The following SDR42E1 variants were observed in gnomAD, a reference collection of about 807,000 sequenced individuals.
SDR42E1 encodes the protein short-chain dehydrogenase/reductase family 42E member 1.
SDR42E1 carries 5 observed loss-of-function variants against 2.6 expected under a neutral mutation model. The observed-to-expected ratio is 1.94, with a 90% CI of 1.01 to 4.08. The LOEUF is 4.08. Among genes scored for constraint, SDR42E1 ranks in the 30% most tolerant of loss-of-function variants. The pLI, the probability that SDR42E1 is intolerant of heterozygous loss-of-function variation, is 0.00. For synonymous variants in SDR42E1, 231 were observed against 188.3 expected (o/e 1.23, Z -1.86); for missense variants, 596 against 478.6 (o/e 1.25, Z -2.29).
chr16:82,007,537 G>C (rs1912980783), intron 1 of SDR42E1: 1 of 152,204 alleles, frequency 6.6e-6, no homozygotes, highest in Admixed American at 6.5e-5. Flanking sequence ...TGGTAGAGCA[G>C]GGATCTGTAC....
In SDR42E1 at chr16:81,998,687, G is replaced by A. The variant is rs560209787; in HGVS notation, c.*424C>T. 1 of 174,506 alleles carries A rather than the reference G, an allele frequency of 5.7e-6. No individual in the cohort carries two copies. The highest frequency in any genetic ancestry group is 2.4e-5 in the African/African-American group (1 of 41,718). The allele number at this position is 174,506 out of a possible 1,614,324, so 10.8% of individuals were successfully genotyped here. A position where few individuals can be genotyped will look rare whatever the true frequency, so the allele number is the denominator to read the frequency against. On this transcript the variant is annotated 3_prime_UTR_variant, in exon 3 of 3. Coordinates refer to ENST00000328945, the MANE Select transcript of SDR42E1 (RefSeq NM_145168.3). ...TCTGTTAGGGATCTGGGCCAATTTG[G>A]TGTTTTTCACACGCATTCAAGCCTG...
intron 2 of SDR42E1, 135 bp from the exon 3 acceptor site, chr16:82,000,359 TGTTCCTTG>T (rs772562020): frequency 9.5e-7 from 1 of 1,048,550 alleles, no homozygotes; most frequent in South Asian, 1.3e-5. Flanking sequence ...TCACTATGCA[TGTTCCTTG>T]GTGCAAGCCT....
At position 81,998,950 on chromosome 16, in the gene SDR42E1, G is replaced by A. The variant is rs1468537497; in HGVS notation, c.*161C>T. 1 of 723,992 alleles carries A rather than the reference G, an allele frequency of 1.4e-6. No homozygotes were observed. The highest frequency in any genetic ancestry group is 2.2e-6 in the Non-Finnish European group (1 of 452,298). 44.8% of individuals were successfully genotyped at this position (723,992 alleles called of 1,614,324 possible). ...CTTTTTCATTCCCATCTGGATTAGT[G>A]CAAGGAAATAAGACATAAAGATTCA... On this transcript the variant is annotated 3_prime_UTR_variant, in exon 3 of 3. Transcript: ENST00000328945.
chr16:81,991,407 A>C lies in SDR42E1; in HGVS notation c.*7704T>G, dbSNP rs1912425366. 6.6e-6 allele frequency: 1 copy of C among 152,148 alleles called. No homozygotes were observed. Among genetic ancestry groups the C allele is most frequent in the Non-Finnish European group, 1.5e-5 (1 of 68,022 alleles). The allele number at this position is 152,148 out of a possible 1,614,324, so 9.4% of individuals were successfully genotyped here. On this transcript the variant is annotated 3_prime_UTR_variant, in exon 3 of 3. Transcript: ENST00000328945. ...TGAATAATGTCATGCTAACGTGATA[A>C]AACCACCTCCAACAAGGTAAGAGTT...
At chr16:82,001,217 A>C (rs1912747505) in intron 1 of SDR42E1, among the ~76,000 whole-genome samples, 1 of 152,154 alleles carries the variant, frequency 6.6e-6, no homozygotes, top group Non-Finnish European at 1.5e-5. Flanking sequence ...AAATGATTAG[A>C]GCCTTTTTGA....
chr16:82,006,530 C>T (rs903040998), intron 1 of SDR42E1, among the ~76,000 whole-genome samples: 1 of 152,194 alleles, frequency 6.6e-6, no homozygotes, highest in Admixed American at 6.5e-5. Context: ...CAGTGGCTCA[C>T]GCCTGTAATT....
chr16:82,009,305 T>G (rs150705577), intron 1 of SDR42E1, among the ~76,000 whole-genome samples: 5,053 of 152,216 alleles, frequency 0.033, 264 homozygotes, highest in African/African-American at 0.11. Flanking sequence ...GACCCCAGAA[T>G]GGTAGATCCA....
rs61012797 is a variant in SDR42E1 at position 81,991,176 on chromosome 16, C to T, written c.*7935G>A. 0.014 allele frequency: 2,086 copies of T among 152,200 alleles called. 44 individuals carry two copies. Among genetic ancestry groups the T allele is most frequent in the African/African-American group, 0.047 (1,951 of 41,516 alleles). The allele number at this position is 152,200 out of a possible 1,614,324, so 9.4% of individuals were successfully genotyped here. The stretch of plus-strand genomic sequence containing the variant: ...TAAGTATGGCTCTAACATCCATGCT[C>T]CTCACAAAATACATGGAATTCCAGT... On this transcript the variant is annotated 3_prime_UTR_variant, in exon 3 of 3. Transcript: ENST00000328945.
chr16:81,997,510 G>T lies in SDR42E1; in HGVS notation c.*1601C>A, dbSNP rs1299221667. 1 of 152,258 alleles carries T rather than the reference G, an allele frequency of 6.6e-6. No individual in the cohort carries two copies. 9.4% of individuals were successfully genotyped at this position (152,258 alleles called of 1,614,324 possible). On this transcript the variant is annotated 3_prime_UTR_variant, in exon 3 of 3. Coordinates refer to ENST00000328945, the MANE Select transcript of SDR42E1 (RefSeq NM_145168.3). ...GCTGTCTTGGATGACCTGCTCTGGG[G>T]ATGAGGATATTCAAGCAGTTCTAGA...
At position 82,000,219 on chromosome 16, in the gene SDR42E1, C is replaced by T. The variant is rs1912710302; in HGVS notation, c.74G>A (p.Gly25Asp). 2 of 1,605,690 alleles carry T rather than the reference C, an allele frequency of 1.2e-6. No homozygotes were observed. The highest frequency in any genetic ancestry group is 8.5e-7 in the Non-Finnish European group (1 of 1,177,488). The change falls in exon 3 of 3, where the codon GGC (glycine) becomes GAC (aspartate). Residue 25 changes from glycine to aspartate, a missense_variant. Gly to Asp is a moderately conservative substitution (Grantham distance 94, BLOSUM62 -1). Transcript: ENST00000328945. ...GGSGYFGFRL[G>D]CALNQNGVHV... ...GACTCCATTTTGGTTCAGGGCACAG[C>T]CCAGGCTGAAATAAGAAACAGTAAA...
Position 81,997,203 on chromosome 16 carries a change from C to T in SDR42E1, c.*1908G>A, listed in dbSNP as rs1208285801. 6.6e-6 allele frequency: 1 copy of T among 152,136 alleles called. No homozygotes were observed. The highest frequency in any genetic ancestry group is 1.5e-5 in the Non-Finnish European group (1 of 68,042). The allele number at this position is 152,136 out of a possible 1,614,324, so 9.4% of individuals were successfully genotyped here. A position where few individuals can be genotyped will look rare whatever the true frequency, so the allele number is the denominator to read the frequency against. ...ATATAGTGCAAAATGTTAACACAGC[C>T]GTTGGGCCCCTAAAATCCTTCTGGC... On this transcript the variant is annotated 3_prime_UTR_variant, in exon 3 of 3. Coordinates refer to ENST00000328945, the MANE Select transcript of SDR42E1 (RefSeq NM_145168.3).
chr16:82,007,956 G>A (rs951525395), intron 1 of SDR42E1: 4 of 152,214 alleles, frequency 2.6e-5, no homozygotes, highest in African/African-American at 2.4e-5. Flanking sequence ...CTCCACCCAA[G>A]CCTCTTGTTG....
rs1452744532 is a variant in SDR42E1, at chr16:81,990,032, C to T, written c.*9079G>A. ...AAACAAACAAAAAAAACATGGTAGGCTGGGCACGGTGGCTCATTCCTGTAA... is the reference window on the plus strand; with the variant it reads ...AAACAAACAAAAAAAACATGGTAGGTTGGGCACGGTGGCTCATTCCTGTAA... On this transcript the variant is annotated 3_prime_UTR_variant, in exon 3 of 3. Coordinates refer to ENST00000328945, the MANE Select transcript of SDR42E1 (RefSeq NM_145168.3). The T allele has an allele frequency of 1.3e-5, 2 of 152,430 alleles. No individual in the cohort carries two copies. Among genetic ancestry groups the T allele is most frequent in the Non-Finnish European group, 2.9e-5 (2 of 68,316 alleles). 9.4% of individuals were successfully genotyped at this position (152,430 alleles called of 1,614,324 possible).
At chr16:82,000,341 T>C (rs1270367433) in intron 2 of SDR42E1, 117 bp from the exon 3 acceptor site, 1 of 1,291,912 alleles carries the variant, frequency 7.7e-7, no homozygotes, top group Admixed American at 1.7e-5. Context: ...TGGCTCATCC[T>C]GAGCCCCTCA....
rs1912450168 is a variant in SDR42E1, at chr16:81,992,498, A to G, written c.*6613T>C. The G allele has an allele frequency of 1.3e-5, 2 of 152,168 alleles. No individual in the cohort carries two copies. The highest frequency in any genetic ancestry group is 2.9e-5 in the Non-Finnish European group (2 of 68,034). 9.4% of individuals were successfully genotyped at this position (152,168 alleles called of 1,614,324 possible). ...GACGACTCATTCTTATAACATATAT[A>G]CATATGTTAAAATATATATATGGGT... On this transcript the variant is annotated 3_prime_UTR_variant, in exon 3 of 3. Coordinates refer to ENST00000328945, the MANE Select transcript of SDR42E1 (RefSeq NM_145168.3).
intron 1 of SDR42E1, among the ~76,000 whole-genome samples, chr16:82,003,331 T>C (rs1046304803): frequency 4.6e-5 from 7 of 152,230 alleles, no homozygotes; most frequent in Non-Finnish European, 7.3e-5. Context: ...CCCATTTGGA[T>C]TTAGAGTAGC....
chr16:81,998,941 T>G lies in SDR42E1; in HGVS notation c.*170A>C. On this transcript the variant is annotated 3_prime_UTR_variant, in exon 3 of 3. Coordinates refer to ENST00000328945, the MANE Select transcript of SDR42E1 (RefSeq NM_145168.3). ...CTGCTTCTGCTTTTTCATTCCCATC[T>G]GGATTAGTGCAAGGAAATAAGACAT... The G allele has an allele frequency of 1.5e-6, 1 of 675,748 alleles. No homozygotes were observed. The highest frequency in any genetic ancestry group is 2.1e-5 in the South Asian group (1 of 47,782). 41.9% of individuals were successfully genotyped at this position (675,748 alleles called of 1,614,324 possible).
In SDR42E1 at chr16:81,994,378, G is replaced by C. The variant is rs541603304; in HGVS notation, c.*4733C>G. 6.6e-6 allele frequency: 1 copy of C among 152,196 alleles called. No individual in the cohort carries two copies. Among genetic ancestry groups the C allele is most frequent in the Non-Finnish European group, 1.5e-5 (1 of 68,056 alleles). 9.4% of individuals were successfully genotyped at this position (152,196 alleles called of 1,614,324 possible). A position where few individuals can be genotyped will look rare whatever the true frequency, so the allele number is the denominator to read the frequency against. ...CCAGAGAAGCAATCCTAGCTGAAAG[G>C]GTTTCTCTAAACCTGCTCTGGGAGA... On this transcript the variant is annotated 3_prime_UTR_variant, in exon 3 of 3. Coordinates refer to ENST00000328945, the MANE Select transcript of SDR42E1 (RefSeq NM_145168.3).
rs1912588919 is a variant in SDR42E1, at chr16:81,998,037, T to TA, written c.*1073_*1074insT. The TA allele has an allele frequency of 2.0e-5, 3 of 152,374 alleles. No individual in the cohort carries two copies. The South Asian group carries it at 6.2e-4, about 32-fold the overall frequency. The allele number at this position is 152,374 out of a possible 1,614,324, so 9.4% of individuals were successfully genotyped here. A position where few individuals can be genotyped will look rare whatever the true frequency, so the allele number is the denominator to read the frequency against. The stretch of plus-strand genomic sequence containing the variant: ...GGACAGACATGGACTCTGTCTTCTT[T>TA]CCACTTGGGTTCCTATGCAACAGTG... On this transcript the variant is annotated 3_prime_UTR_variant, in exon 3 of 3. Coordinates refer to ENST00000328945, the MANE Select transcript of SDR42E1 (RefSeq NM_145168.3).
Sources: allele counts gnomAD v4.1 joint callset (sites outside exome capture counted in the v4.1 genomes callset), GRCh38; gene constraint gnomAD v4.1.1; transcripts MANE v1.5; gene names NCBI Gene and HGNC (gene_info 2026-07-23, HGNC 2026-07-21).